Variants in PPARGC1A observed in about 807,000 individuals in gnomAD.
The protein encoded by PPARGC1A is PPARG coactivator 1 alpha.
Under a neutral mutation model 88.7 loss-of-function variants are expected in PPARGC1A, and 25 were observed. The observed-to-expected ratio is 0.28, with a 90% CI of 0.21 to 0.39. The LOEUF (loss-of-function observed/expected upper bound fraction) is 0.39, where lower values mean the gene tolerates loss of function less well. Among genes scored for constraint, PPARGC1A ranks in the 10% least tolerant of loss-of-function variants. The pLI is 1.00. For synonymous variants in PPARGC1A, 363 were observed against 355.6 expected (o/e 1.02, Z -0.24); for missense variants, 880 against 968.7 (o/e 0.91, Z 1.22).
At chr4:23,807,121 G>A (rs1015094140) in intron 10 of PPARGC1A, among the ~76,000 whole-genome samples, 8 of 152,104 alleles carry the variant, frequency 5.3e-5, no homozygotes, top group African/African-American at 1.9e-4. Flanking sequence ...GCTGTAACCT[G>A]ACTGCCTCAA....
chr4:24,226,398 G>A, the PPARGC1A span, among the ~76,000 whole-genome samples: 1 of 152,144 alleles, frequency 6.6e-6, no homozygotes, highest in Non-Finnish European at 1.5e-5. Context: ...GGTAGGCTGG[G>A]GAAAGGCTGT....
chr4:24,202,475 C>T, the PPARGC1A span, among the ~76,000 whole-genome samples: 3 of 152,060 alleles, frequency 2.0e-5, no homozygotes, highest in African/African-American at 4.8e-5. Flanking sequence ...CTTGGTACTC[C>T]CACTGTCCCT....
At chr4:23,880,213 A>T (rs1715652748) in intron 2 of PPARGC1A, among the ~76,000 whole-genome samples, 1 of 152,224 alleles carries the variant, frequency 6.6e-6, no homozygotes, top group Non-Finnish European at 1.5e-5. Context: ...ATATGCATAT[A>T]CTTGTATATT....
chr4:24,414,372 A>G, the PPARGC1A span, among the ~76,000 whole-genome samples: 1 of 152,136 alleles, frequency 6.6e-6, no homozygotes, highest in Non-Finnish European at 1.5e-5. Flanking sequence ...CTCCTTCCAG[A>G]GCAGTAGCAG....
the PPARGC1A span, among the ~76,000 whole-genome samples, chr4:24,005,021 C>G: frequency 6.6e-6 from 1 of 152,178 alleles, no homozygotes; most frequent in South Asian, 2.1e-4. Flanking sequence ...CTTGGAAAGA[C>G]TCCACCTGCT....
the PPARGC1A span, among the ~76,000 whole-genome samples, chr4:24,010,266 T>C: frequency 6.6e-6 from 1 of 152,200 alleles, no homozygotes; most frequent in African/African-American, 2.4e-5. Flanking sequence ...TTCAATAAAC[T>C]ACTTATTCCA....
the PPARGC1A span, among the ~76,000 whole-genome samples, chr4:24,309,874 G>A: frequency 6.6e-6 from 1 of 152,212 alleles, no homozygotes; most frequent in Non-Finnish European, 1.5e-5. Flanking sequence ...AGAGATAATG[G>A]TGGTAAGGGT....
At chr4:24,228,243 G>C in the PPARGC1A span, among the ~76,000 whole-genome samples, 1 of 152,150 alleles carries the variant, frequency 6.6e-6, no homozygotes, top group Admixed American at 6.5e-5. Flanking sequence ...TGCCATTTTA[G>C]CTGCCATTTT....
At chr4:24,335,781 A>G in the PPARGC1A span, among the ~76,000 whole-genome samples, 2 of 152,288 alleles carry the variant, frequency 1.3e-5, no homozygotes, top group African/African-American at 4.8e-5. Context: ...GCTGAGATAC[A>G]TGGGAGGAAA....
chr4:23,900,012 CAAA>C (rs5856802), upstream of PPARGC1A, among the ~76,000 whole-genome samples: 7,293 of 147,982 alleles, frequency 0.049, 230 homozygotes, highest in African/African-American at 0.084. Flanking sequence ...GCTGCCTGTC[CAAA>C]AAAAAAAAAA....
intron 2 of PPARGC1A, among the ~76,000 whole-genome samples, chr4:23,838,985 C>T (rs1726551410): frequency 6.6e-6 from 1 of 152,090 alleles, no homozygotes; most frequent in African/African-American, 2.4e-5. Context: ...AAAACCAGGG[C>T]TAATTCCTGT....
the PPARGC1A span, among the ~76,000 whole-genome samples, chr4:24,202,380 T>C: frequency 6.6e-6 from 1 of 152,172 alleles, no homozygotes; most frequent in Non-Finnish European, 1.5e-5. Flanking sequence ...CTTTTTGTTG[T>C]TGTTGTGGTC....
chr4:23,921,439 T>C, the PPARGC1A span, among the ~76,000 whole-genome samples: 1 of 152,242 alleles, frequency 6.6e-6, no homozygotes, highest in South Asian at 2.1e-4. Context: ...GTTCTCGGCC[T>C]GAGCCAGGCA....
Position 23,829,737 on chromosome 4 carries a change from T to C in PPARGC1A, c.430-152A>G, listed in dbSNP as rs1410413175. ...ATGTCACACCTTAGCGCAATAGTGC[T>C]ACAGGAAATATGATATTTAAAGAGT... On this transcript the variant is annotated intron_variant, in intron 3 of 12. Transcript: ENST00000264867. 4 of 644,932 alleles carry C rather than the reference T, an allele frequency of 6.2e-6. No homozygotes were observed. The Admixed American group carries it at 1.1e-4, about 18-fold the overall frequency. The allele number at this position is 644,932 out of a possible 1,614,324, so 40.0% of individuals were successfully genotyped here.
the PPARGC1A span, among the ~76,000 whole-genome samples, chr4:24,089,405 C>G: frequency 2.0e-5 from 3 of 152,122 alleles, no homozygotes; most frequent in African/African-American, 4.8e-5. Flanking sequence ...GATGCTGTAG[C>G]TGACACCCTA....
chr4:23,938,727 G>C, the PPARGC1A span, among the ~76,000 whole-genome samples: 1 of 152,210 alleles, frequency 6.6e-6, no homozygotes, highest in Non-Finnish European at 1.5e-5. Flanking sequence ...ATGGAGGTTT[G>C]AGCATGAAAA....
chr4:23,938,711 G>T, the PPARGC1A span, among the ~76,000 whole-genome samples: 4 of 152,178 alleles, frequency 2.6e-5, no homozygotes, highest in African/African-American at 9.6e-5. Context: ...ATCACATAGA[G>T]AAAACATGGA....
the PPARGC1A span, among the ~76,000 whole-genome samples, chr4:24,270,331 C>CTG: frequency 6.8e-6 from 1 of 147,472 alleles, no homozygotes; most frequent in African/African-American, 2.5e-5. Flanking sequence ...CTCTCTCTCT[C>CTG]TCTGTGTGTG....
chr4:23,814,746 C>T, intron 7 of PPARGC1A, 141 bp from the exon 8 acceptor site: 1 of 820,486 alleles, frequency 1.2e-6, no homozygotes, highest in Non-Finnish European at 1.8e-6. Flanking sequence ...AAGAAGGAAA[C>T]TAATTTCATG....
Sources: allele counts gnomAD v4.1 joint callset (sites outside exome capture counted in the v4.1 genomes callset), GRCh38; gene constraint gnomAD v4.1.1; transcripts MANE v1.5; gene names NCBI Gene and HGNC (gene_info 2026-07-23, HGNC 2026-07-21).